LAMC1: variants seen among roughly 807,000 people sequenced by gnomAD.
The protein encoded by LAMC1 is laminin subunit gamma-1.
A neutral mutation model predicts 173.6 loss-of-function variants in LAMC1; 38 were observed. The observed-to-expected ratio is 0.22, with a 90% CI of 0.17 to 0.29. The LOEUF is 0.29. Ranked by LOEUF, LAMC1 falls within the 10% of genes least tolerant of loss-of-function variation. The probability of loss-of-function intolerance (pLI) is 1.00; values close to 1 mark genes in which losing one functional copy is unlikely to be tolerated. For synonymous variants in LAMC1, 746 were observed against 749.1 expected, an observed-to-expected ratio of 1.00 and a Z score of 0.07; for missense variants, 1,824 against 2,051.8, an observed-to-expected ratio of 0.89 and a Z score of 2.14.
intron 2 of LAMC1, among the ~76,000 whole-genome samples, chr1:183,107,417 AAC>A (rs755822042): frequency 2.0e-5 from 3 of 152,140 alleles, no homozygotes; most frequent in African/African-American, 4.8e-5. Flanking sequence ...GGTCAAGACA[AAC>A]ACAGACAACA....
chr1:183,030,474 T>G (rs1390661431), intron 1 of LAMC1, among the ~76,000 whole-genome samples: 1 of 152,230 alleles, frequency 6.6e-6, no homozygotes, highest in Non-Finnish European at 1.5e-5. Flanking sequence ...ATGCCTGAAT[T>G]ATAAAACTCC....
intron 27 of LAMC1, among the ~76,000 whole-genome samples, chr1:183,141,977 C>T (rs1241031897): frequency 6.6e-6 from 1 of 152,158 alleles, no homozygotes; most frequent in African/African-American, 2.4e-5. Context: ...TCTTGCTAAG[C>T]TTAAAGTGAA....
At chr1:183,078,454 C>T (rs1250536059) in intron 1 of LAMC1, among the ~76,000 whole-genome samples, 7 of 151,450 alleles carry the variant, frequency 4.6e-5, no homozygotes, top group South Asian at 2.1e-4. Context: ...TGGTGGTGGG[C>T]GCCTGTAGTC....
intron 1 of LAMC1, among the ~76,000 whole-genome samples, chr1:183,025,314 C>G (rs192098890): frequency 7.1e-6 from 1 of 139,978 alleles, no homozygotes; most frequent in Admixed American, 7.7e-5. Context: ...TATCAGGATT[C>G]CAGAGAAAGA....
At chr1:183,101,245 A>G (rs1473775357) in intron 1 of LAMC1, among the ~76,000 whole-genome samples, 2 of 152,024 alleles carry the variant, frequency 1.3e-5, no homozygotes, top group African/African-American at 2.4e-5. Flanking sequence ...GTAAAATTAC[A>G]TTGTTTAACC....
intron 16 of LAMC1, 103 bp downstream of exon 16, chr1:183,126,365 A>C: frequency 4.7e-5 from 57 of 1,213,944 alleles, no homozygotes; most frequent in Non-Finnish European, 6.0e-5. Context: ...CACTTGACTC[A>C]TAGTCAGGGC....
At chr1:183,043,413 C>T (rs2102016814) in intron 1 of LAMC1, among the ~76,000 whole-genome samples, 1 of 152,234 alleles carries the variant, frequency 6.6e-6, no homozygotes, top group Non-Finnish European at 1.5e-5. Flanking sequence ...ACTTATATCA[C>T]ATTTGATTAC....
At chr1:183,126,080 T>C (rs1300362850) in intron 15 of LAMC1, 40 bp from the exon 16 acceptor site, 1 of 1,585,594 alleles carries the variant, frequency 6.3e-7, no homozygotes, top group Non-Finnish European at 8.5e-7. Flanking sequence ...GCTTAAAGTC[T>C]GTTTTTCTTG....
intron 1 of LAMC1, among the ~76,000 whole-genome samples, chr1:183,032,591 G>A (rs766969028): frequency 3.3e-5 from 5 of 152,068 alleles, no homozygotes; most frequent in African/African-American, 4.8e-5. Context: ...GGTGCAGTCA[G>A]AGCTCACTGC....
chr1:183,102,207 G>A (rs1310515299), intron 1 of LAMC1, among the ~76,000 whole-genome samples: 5 of 152,184 alleles, frequency 3.3e-5, no homozygotes, highest in African/African-American at 2.4e-5. Flanking sequence ...AGTGAAAGTG[G>A]CAGAAGTCTC....
intron 3 of LAMC1, 85 bp downstream of exon 3, chr1:183,108,491 A>C (rs1392921771): frequency 1.3e-5 from 16 of 1,211,172 alleles, no homozygotes; most frequent in Non-Finnish European, 1.5e-5. Context: ...AACTATGTTA[A>C]TACCGTTGTT....
intron 1 of LAMC1, among the ~76,000 whole-genome samples, chr1:183,025,329 G>C (rs1653658535): frequency 9.0e-6 from 1 of 111,644 alleles, no homozygotes. Context: ...GAAAGAATTG[G>C]ACTTAACAAA....
chr1:183,086,838 A>G, intron 1 of LAMC1, among the ~76,000 whole-genome samples: 1 of 152,222 alleles, frequency 6.6e-6, no homozygotes, highest in East Asian at 1.9e-4. Flanking sequence ...CATCTTTGCA[A>G]AATCAGTTCC....
intron 1 of LAMC1, among the ~76,000 whole-genome samples, chr1:183,097,391 C>T (rs969138026): frequency 6.6e-6 from 1 of 152,154 alleles, no homozygotes; most frequent in Non-Finnish European, 1.5e-5. Flanking sequence ...AGTAGTGAAC[C>T]AGTGACTCCT....
intron 4 of LAMC1, among the ~76,000 whole-genome samples, chr1:183,113,635 T>C (rs941307935): frequency 3.9e-5 from 6 of 152,226 alleles, no homozygotes; most frequent in African/African-American, 1.4e-4. Context: ...GGCTTCCCTG[T>C]ACATGGATGT....
At chr1:183,106,643 T>C (rs12086466) in intron 2 of LAMC1, among the ~76,000 whole-genome samples, 78,563 of 152,058 alleles carry the variant, frequency 0.52, 20,980 homozygotes, top group South Asian at 0.65. Flanking sequence ...AAAATGGAAA[T>C]GCTGTCTTTG....
chr1:183,062,771 G>A (rs1654773680), intron 1 of LAMC1, among the ~76,000 whole-genome samples: 1 of 152,132 alleles, frequency 6.6e-6, no homozygotes, highest in Admixed American at 6.5e-5. Flanking sequence ...GGGCAATATG[G>A]CGAAACCCCA....
chr1:183,122,993 TTG>T (rs1656520957), intron 13 of LAMC1, among the ~76,000 whole-genome samples: 2 of 152,218 alleles, frequency 1.3e-5, no homozygotes, highest in African/African-American at 4.8e-5. Context: ...GCTGATTTGA[TTG>T]TGTCAGCCAT....
At position 183,032,720 on chromosome 1, in the gene LAMC1, G is replaced by T. The variant is rs541575005; in HGVS notation, c.418+8586G>T. Among the ~76,000 whole-genome samples the T allele has an allele frequency of 9.9e-5, 15 of 152,022 alleles. No homozygotes were observed. In the South Asian group the frequency reaches 2.5e-3, roughly 25 times the overall value. ...TTTCTTTTTTTGAATTTGGTACGTGGCCTTATATAGAGTTAAGGACTCAGT... is the reference window on the plus strand; with the variant it reads ...TTTCTTTTTTTGAATTTGGTACGTGTCCTTATATAGAGTTAAGGACTCAGT... On this transcript the variant is annotated intron_variant, in intron 1 of 27. Coordinates refer to ENST00000258341, the MANE Select transcript of LAMC1 (RefSeq NM_002293.4).
Sources: gnomAD v4.1 joint callset for allele counts (sites outside exome capture counted in the v4.1 genomes callset) on GRCh38, gnomAD v4.1.1 for gene constraint, MANE v1.5 for transcripts, NCBI Gene and HGNC (gene_info 2026-07-23, HGNC 2026-07-21) for gene names.